The following RHNO1 variants were observed in gnomAD, a reference collection of about 807,000 sequenced individuals.
The protein encoded by RHNO1 is RAD9, HUS1, RAD1-interacting nuclear orphan protein 1.
A neutral mutation model predicts 7.2 loss-of-function variants in RHNO1; 9 were observed. The observed-to-expected ratio is 1.25, with a 90% CI of 0.75 to 2.18. The LOEUF (loss-of-function observed/expected upper bound fraction) is 2.18, where lower values mean the gene tolerates loss of function less well. RHNO1 is among the 30% of genes most tolerant of loss of function. RHNO1 has a pLI of 0.00. For missense variants in RHNO1, 292 were observed against 284.5 expected, an observed-to-expected ratio of 1.03 and a Z score of -0.19; for synonymous variants, 95 against 107.5, an observed-to-expected ratio of 0.88 and a Z score of 0.72.
At chr12:2,876,404 C>T (rs1223656715), upstream of RHNO1, 1 of 152,180 alleles carries the variant, frequency 6.6e-6, no homozygotes, top group Non-Finnish European at 1.5e-5. Flanking sequence ...TTATTATTGC[C>T]AACACTTTCT....
In RHNO1 at chr12:2,888,041, A is replaced by G. The variant is rs2153946321; in HGVS notation, c.299A>G (p.Gln100Arg). 1 of 1,614,158 alleles carries G rather than the reference A, an allele frequency of 6.2e-7. No individual in the cohort carries two copies. The highest frequency in any genetic ancestry group is 8.5e-7 in the Non-Finnish European group (1 of 1,180,036). ...KFPHLTFESP[Q>R]SSSSETLGIP... is the part of the protein sequence containing the mutation. ...CCACATCTAACTTTTGAGAGTCCGC[A>G]ATCTTCCAGTTCAGAGACATTGGGG... Residue 100 changes from glutamine (Q) to arginine (R), a missense_variant, in exon 3 of 3, where the codon CAA becomes CGA. Gln to Arg is a conservative substitution (Grantham distance 43, BLOSUM62 1). Coordinates refer to ENST00000489288, the MANE Select transcript of RHNO1 (RefSeq NM_001252499.3).
intron 2 of RHNO1, 61 bp from the exon 3 acceptor site, chr12:2,887,850 C>T (rs1345076267): frequency 1.5e-6 from 2 of 1,350,722 alleles, no homozygotes; most frequent in Non-Finnish European, 2.0e-6. Context: ...TCATCAGATA[C>T]AGTTTCCTCT....
intron 1 of RHNO1, chr12:2,878,196 T>C (rs2098151178): frequency 6.6e-6 from 1 of 152,200 alleles, no homozygotes; most frequent in Non-Finnish European, 1.5e-5. Flanking sequence ...GTTGAATTAT[T>C]GCTGTAAATT....
Position 2,888,550 on chromosome 12 carries a change from T to C in RHNO1, c.*91T>C. 8.6e-7 allele frequency: 1 copy of C among 1,161,724 alleles called. No individual in the cohort carries two copies. Among genetic ancestry groups the C allele is most frequent in the East Asian group, 2.5e-5 (1 of 39,700 alleles). The allele number at this position is 1,161,724 out of a possible 1,614,324, so 72.0% of individuals were successfully genotyped here. On this transcript the variant is annotated 3_prime_UTR_variant, in exon 3 of 3. Transcript: ENST00000489288. The stretch of plus-strand genomic sequence containing the variant: ...AGGGTTTTTGTTTTTGTTTTTGAGA[T>C]GTAATATTGCTCTGTTGCCCAGGCT...
intron 2 of RHNO1, among the ~76,000 whole-genome samples, chr12:2,886,542 A>G (rs892380895): frequency 3.3e-5 from 5 of 151,832 alleles, no homozygotes; most frequent in Admixed American, 2.0e-4. Context: ...CTGTAGTCCC[A>G]GCTACTTGGG....
chr12:2,887,721 A>G (rs1469730566), intron 2 of RHNO1, among the ~76,000 whole-genome samples, 190 bp from the exon 3 acceptor site: 1 of 152,180 alleles, frequency 6.6e-6, no homozygotes, highest in Non-Finnish European at 1.5e-5. Flanking sequence ...CCTACACATG[A>G]GGAAGCTGAA....
chr12:2,880,062 C>G (rs1297826976), intron 1 of RHNO1, among the ~76,000 whole-genome samples: 1 of 151,944 alleles, frequency 6.6e-6, no homozygotes, highest in Non-Finnish European at 1.5e-5. Flanking sequence ...ACATGTAATC[C>G]TAGCACTTCA....
chr12:2,885,594 A>G (rs1317443988), intron 2 of RHNO1, 60 bp downstream of exon 2: 10 of 947,742 alleles, frequency 1.1e-5, no homozygotes, highest in South Asian at 1.7e-5. Flanking sequence ...TTTTTTTTTG[A>G]GACGGAGTCT....
Position 2,880,587 on chromosome 12 carries a change from C to G in RHNO1, c.-85+3305C>G, listed in dbSNP as rs993398418. 1.4e-4 allele frequency among the ~76,000 whole-genome samples: 21 copies of G among 152,232 alleles called. 1 individual carries two copies. The highest frequency in any genetic ancestry group is 5.1e-4 in the African/African-American group (21 of 41,492). ...CGAGATCACGCTACTGCACTCCAGC[C>G]TGGGCAACAGAGTGAGACTTTGTCT... On this transcript the variant is annotated intron_variant, in intron 1 of 2. Transcript: ENST00000489288.
At chr12:2,887,030 ATGAAGT>A (rs2098166382) in intron 2 of RHNO1, 3 of 454,692 alleles carry the variant, frequency 6.6e-6, no homozygotes, top group Non-Finnish European at 1.3e-5. Context: ...CCCTACCCTC[ATGAAGT>A]TTAAAGATAA....
intron 1 of RHNO1, among the ~76,000 whole-genome samples, chr12:2,882,371 G>A (rs2098158985): frequency 6.6e-6 from 1 of 151,446 alleles, no homozygotes; most frequent in African/African-American, 2.4e-5. Flanking sequence ...TTGGAGATGG[G>A]GGTGGAAAAA....
At position 2,888,694 on chromosome 12, in the gene RHNO1, ATT is replaced by A; in HGVS notation, c.*241_*242del. The A allele has an allele frequency of 5.7e-6, 2 of 348,824 alleles. No individual in the cohort carries two copies. Among genetic ancestry groups the A allele is most frequent in the South Asian group, 8.4e-5 (1 of 11,934 alleles). 21.6% of individuals were successfully genotyped at this position (348,824 alleles called of 1,614,324 possible). On this transcript the variant is annotated 3_prime_UTR_variant, in exon 3 of 3. Transcript: ENST00000489288. ...AGGCACCAGCCACCATGCCTGGCTA[ATT>A]TTTTTGTATTTTTAGTAGAGATGTG...
At chr12:2,883,497 ATATATATATATATATTTTTT>A (rs1190035716) in intron 1 of RHNO1, among the ~76,000 whole-genome samples, 12 of 23,890 alleles carry the variant, frequency 5.0e-4, no homozygotes, top group African/African-American at 1.9e-3. Context: ...ATATATATAT[ATATATATATATATATTTTTT>A]TTTTTTTTTT....
chr12:2,878,249 G>T (rs570310357), intron 1 of RHNO1: 1 of 152,344 alleles, frequency 6.6e-6, no homozygotes, highest in East Asian at 1.9e-4. Flanking sequence ...TTACAATAAC[G>T]AGATCTTGAG....
At chr12:2,880,128 C>G (rs192480134) in intron 1 of RHNO1, among the ~76,000 whole-genome samples, 5 of 151,662 alleles carry the variant, frequency 3.3e-5, no homozygotes, top group Non-Finnish European at 5.9e-5. Flanking sequence ...GACCTCATCT[C>G]TACAAAAAAT....
chr12:2,887,950 C>G lies in RHNO1; in HGVS notation c.208C>G (p.Pro70Ala), dbSNP rs2098167566. The G allele has an allele frequency of 6.2e-7, 1 of 1,609,884 alleles. No individual in the cohort carries two copies. Among genetic ancestry groups the G allele is most frequent in the Middle Eastern group, 1.7e-4 (1 of 6,034 alleles). Residue 70 changes from proline (P) to alanine (A), a missense_variant, in exon 3 of 3, where the codon CCA becomes GCA. Coordinates refer to ENST00000489288, the MANE Select transcript of RHNO1 (RefSeq NM_001252499.3). ...TGATACAGCAGCAGGAAGCTTGTTC[C>G]CAGCCTACCAGAAACACCAAAACCG... The part of the protein sequence containing the change: ...DFDTAAGSLF[P>A]AYQKHQNRAR...
In RHNO1 at chr12:2,888,694, A is replaced by G. The variant is rs1184621728; in HGVS notation, c.*235A>G. On this transcript the variant is annotated 3_prime_UTR_variant, in exon 3 of 3. Coordinates refer to ENST00000489288, the MANE Select transcript of RHNO1 (RefSeq NM_001252499.3). Reference sequence around the variant, plus strand: ...AGGCACCAGCCACCATGCCTGGCTAATTTTTTTGTATTTTTAGTAGAGATG... The same window carrying G: ...AGGCACCAGCCACCATGCCTGGCTAGTTTTTTTGTATTTTTAGTAGAGATG... The G allele has an allele frequency of 2.9e-6, 1 of 348,682 alleles. No homozygotes were observed. Among genetic ancestry groups the G allele is most frequent in the Admixed American group, 4.3e-5 (1 of 23,328 alleles). The allele number at this position is 348,682 out of a possible 1,614,324, so 21.6% of individuals were successfully genotyped here.
chr12:2,877,218 T>C (rs908419198), upstream of RHNO1: 1 of 152,226 alleles, frequency 6.6e-6, no homozygotes, highest in Non-Finnish European at 1.5e-5. Flanking sequence ...CGGCCTTGTC[T>C]CGGCATTCCG....
At position 2,885,292 on chromosome 12, in the gene RHNO1, G is replaced by T; in HGVS notation, c.-75G>T. 7.6e-7 allele frequency: 1 copy of T among 1,315,012 alleles called. No individual in the cohort carries two copies. The highest frequency in any genetic ancestry group is 1.1e-6 in the Non-Finnish European group (1 of 946,878). 81.5% of individuals were successfully genotyped at this position (1,315,012 alleles called of 1,614,324 possible). ...TGTTTCTTCTCTACAGGCATGGGTT[G>T]GAATTGGAGCCTATCCCCCAACCCG... On this transcript the variant is annotated 5_prime_UTR_variant, in exon 2 of 3. Transcript: ENST00000489288.
Sources: allele counts gnomAD v4.1 joint callset (sites outside exome capture counted in the v4.1 genomes callset), GRCh38; gene constraint gnomAD v4.1.1; transcripts MANE v1.5; gene names NCBI Gene and HGNC (gene_info 2026-07-23, HGNC 2026-07-21).